CALML6: variants seen among roughly 807,000 people sequenced by gnomAD.
CALML6 encodes calmodulin like 6.
Under a neutral mutation model 25.0 loss-of-function variants are expected in CALML6, and 27 were observed. The ratio of observed to expected loss-of-function variants is 1.08; its 90% CI spans 0.80 to 1.49. The LOEUF (loss-of-function observed/expected upper bound fraction) is 1.49, where lower values mean the gene tolerates loss of function less well. CALML6 is among the 40% of genes most tolerant of loss of function. The probability of loss-of-function intolerance (pLI) is 0.00; values close to 1 mark genes in which losing one functional copy is unlikely to be tolerated. For synonymous variants in CALML6, 97 were observed against 87.2 expected (o/e 1.11, Z -0.63); for missense variants, 239 against 232.7 (o/e 1.03, Z -0.18).
Position 1,916,616 on chromosome 1 carries a change from G to A in CALML6, c.253+1G>A, listed in dbSNP as rs762396016. 24 of 1,603,986 alleles carry A rather than the reference G, an allele frequency of 1.5e-5. No individual in the cohort carries two copies. The highest frequency in any genetic ancestry group is 6.7e-5 in the African/African-American group (5 of 74,630). ...ATGGCCAAGGATGTGGACAGAGACAGTGAGCTCATGGCTGGAGTGGGGTGG... is the reference window on the plus strand; with the variant it reads ...ATGGCCAAGGATGTGGACAGAGACAATGAGCTCATGGCTGGAGTGGGGTGG... On this transcript the variant is annotated splice_donor_variant, in intron 3 of 5. Coordinates refer to ENST00000307786, the MANE Select transcript of CALML6 (RefSeq NM_138705.4). LOFTEE classifies it high-confidence loss of function.
Position 1,915,438 on chromosome 1 carries a change from G to A in CALML6, c.27+131G>A, listed in dbSNP as rs533840083. On this transcript the variant is annotated intron_variant, in intron 1 of 5. Coordinates refer to ENST00000307786, the MANE Select transcript of CALML6 (RefSeq NM_138705.4). ...GGGGAACAGCGTGTGTGAGGGTCCC[G>A]CCATGTCTCAGCCCTTTCCTGGCCC... The A allele has an allele frequency of 7.9e-5, 117 of 1,474,064 alleles. 1 individual carries two copies. The African/African-American group carries it at 1.2e-3, about 15-fold the overall frequency. 91.3% of individuals were successfully genotyped at this position (1,474,064 alleles called of 1,614,324 possible).
At chr1:1,915,528 A>G in intron 1 of CALML6, 157 bp from the exon 2 acceptor site, 3 of 1,216,090 alleles carry the variant, frequency 2.5e-6, no homozygotes, top group South Asian at 2.9e-5. Flanking sequence ...CGGGCCGGGA[A>G]GGGGCCCTGT....
At position 1,916,588 on chromosome 1, in the gene CALML6, T is replaced by A; in HGVS notation, c.226T>A (p.Ser76Thr). The change falls in exon 3 of 6, where the codon TCA becomes ACA. Residue 76 changes from serine (S) to threonine (T), a missense_variant. By Grantham distance (58) the Ser-to-Thr change is moderately conservative (BLOSUM62 1). Transcript: ENST00000307786. ...GINPTKSELA[S>T]MAKDVDRDNK... is the part of the protein sequence containing the mutation. ...CAACCCCACCAAGAGTGAGCTGGCC[T>A]CAATGGCCAAGGATGTGGACAGAGA... The A allele has an allele frequency of 6.2e-7, 1 of 1,608,824 alleles. No homozygotes were observed. Among genetic ancestry groups the A allele is most frequent in the Non-Finnish European group, 8.5e-7 (1 of 1,177,876 alleles).
chr1:1,915,537 G>T, intron 1 of CALML6, 148 bp from the exon 2 acceptor site: 1 of 1,212,240 alleles, frequency 8.2e-7, no homozygotes, highest in Non-Finnish European at 1.1e-6. Context: ...AAGGGGCCCT[G>T]TGGATAAGGC....
In CALML6 at chr1:1,916,967, C is replaced by T. The variant is rs1227499074; in HGVS notation, c.399-7C>T. ...CCGATGGAGTGGCTCAGCGCCAGGC[C>T]CCGTAGGTACGTGCTAATGAACGCA... is the stretch of plus-strand genomic sequence containing the variant. On this transcript the variant is annotated splice_region_variant and splice_polypyrimidine_tract_variant and intron_variant, in intron 4 of 5. Transcript: ENST00000307786. The T allele has an allele frequency of 2.5e-6, 4 of 1,610,924 alleles. No individual in the cohort carries two copies. Among genetic ancestry groups the T allele is most frequent in the South Asian group, 1.1e-5 (1 of 90,952 alleles).
chr1:1,917,226 G>A lies in CALML6; in HGVS notation c.*33G>A, dbSNP rs559397923. 33 of 1,561,084 alleles carry A rather than the reference G, an allele frequency of 2.1e-5. No individual in the cohort carries two copies. The highest frequency in any genetic ancestry group is 1.2e-4 in the South Asian group (10 of 85,164). Reference sequence around the variant, plus strand: ...TGCCGCAGCCGGGGGAGGCCTGCCCGGGAAGGCTGCTGCCCCTGCCCCCTG... The same window carrying A: ...TGCCGCAGCCGGGGGAGGCCTGCCCAGGAAGGCTGCTGCCCCTGCCCCCTG... On this transcript the variant is annotated 3_prime_UTR_variant, in exon 6 of 6. Coordinates refer to ENST00000307786, the MANE Select transcript of CALML6 (RefSeq NM_138705.4).
At chr1:1,916,700 C>T in intron 3 of CALML6, 52 bp from the exon 4 acceptor site, 2 of 1,612,526 alleles carry the variant, frequency 1.2e-6, no homozygotes, top group African/African-American at 1.3e-5. Flanking sequence ...GAGGCAAAGC[C>T]CATGGGGAGT....
intron 2 of CALML6, 186 bp from the exon 3 acceptor site, chr1:1,916,255 C>A: frequency 1.8e-6 from 1 of 546,402 alleles, no homozygotes. Context: ...GCCCTGCTGG[C>A]CCTGCAAACC....
intron 2 of CALML6, chr1:1,916,024 T>C (rs996743213): frequency 5.9e-5 from 31 of 522,540 alleles, no homozygotes; most frequent in Admixed American, 3.2e-5. Context: ...CCCAGGGTTC[T>C]GCTTCCTGGG....
Position 1,916,534 on chromosome 1 carries a change from C to G in CALML6, c.172C>G (p.Leu58Val). Residue 58 changes from leucine to valine, a missense_variant, in exon 3 of 6, where the codon CTG becomes GTG. Physicochemically the swap from Leu to Val is conservative, Grantham distance 32 (BLOSUM62 1). Coordinates refer to ENST00000307786, the MANE Select transcript of CALML6 (RefSeq NM_138705.4). ...EGNGEVKTGE[L>V]EWLMSLLGIN... ...CAACGGGGAGGTGAAGACGGGGGAGCTGGAGTGGCTCATGAGCCTGCTGGG... is the reference window on the plus strand; with the variant it reads ...CAACGGGGAGGTGAAGACGGGGGAGGTGGAGTGGCTCATGAGCCTGCTGGG... 1 of 1,611,282 alleles carries G rather than the reference C, an allele frequency of 6.2e-7. No homozygotes were observed. The highest frequency in any genetic ancestry group is 1.7e-4 in the Middle Eastern group (1 of 6,058).
rs566097950 is a variant in CALML6, at chr1:1,916,935, G to A, written c.398+39G>A. On this transcript the variant is annotated intron_variant, in intron 4 of 5. Coordinates refer to ENST00000307786, the MANE Select transcript of CALML6 (RefSeq NM_138705.4). ...TGGGGGCGGGTGGTGGGCGGGCACG[G>A]GCAGGGCCGATGGAGTGGCTCAGCG... 7.4e-6 allele frequency: 12 copies of A among 1,611,382 alleles called. No homozygotes were observed. In the East Asian group the frequency reaches 2.7e-4, roughly 36 times the overall value.
At chr1:1,915,759 T>C (rs1651087339) in intron 2 of CALML6, 24 bp downstream of exon 2, 1 of 1,611,428 alleles carries the variant, frequency 6.2e-7, no homozygotes, top group Non-Finnish European at 8.5e-7. Flanking sequence ...CTGTGCCCGA[T>C]GGAGTCTCTG....
Position 1,915,277 on chromosome 1 carries a change from C to T in CALML6, c.-4C>T, listed in dbSNP as rs1055196510. 5 of 1,558,186 alleles carry T rather than the reference C, an allele frequency of 3.2e-6. No homozygotes were observed. The South Asian group carries it at 4.7e-5, about 15-fold the overall frequency. On this transcript the variant is annotated 5_prime_UTR_variant, in exon 1 of 6. Transcript: ENST00000307786. Reference sequence around the variant, plus strand: ...TCTGAGCCACTGAGCACCAGCTGGCCAGGATGGGTCTTCAACAAGAAATCT... The same window carrying T: ...TCTGAGCCACTGAGCACCAGCTGGCTAGGATGGGTCTTCAACAAGAAATCT...
intron 1 of CALML6, 23 bp from the exon 2 acceptor site, chr1:1,915,662 C>CT: frequency 6.2e-7 from 1 of 1,612,586 alleles, no homozygotes. Flanking sequence ...GCTGCCACCA[C>CT]TGCCCCAGCA....
rs373215762 is a variant in CALML6, at chr1:1,917,165, C to A, written c.518C>A (p.Thr173Lys). 1 of 1,607,124 alleles carries A rather than the reference C, an allele frequency of 6.2e-7. No individual in the cohort carries two copies. The highest frequency in any genetic ancestry group is 1.1e-5 in the South Asian group (1 of 90,030). ...TTCCCAGAGTTTGTGGCCATGATGA[C>A]GGGGGAGTCCTTCAAGCTGATCCAG... ...IDYEEFVAMM[T>K]GESFKLIQ Residue 173 changes from threonine to lysine, a missense_variant, in exon 6 of 6, where the codon ACG becomes AAG. Transcript: ENST00000307786.
rs774393325 is a variant in CALML6, at chr1:1,915,702, C to T, written c.45C>T (p.His15=). The T allele has an allele frequency of 1.9e-6, 3 of 1,613,468 alleles. No homozygotes were observed. In the South Asian group the frequency reaches 3.3e-5, roughly 18 times the overall value. The change falls in exon 2 of 6, where the codon CAC becomes CAT. Residue 15 remains histidine (H), a synonymous_variant. Coordinates refer to ENST00000307786, the MANE Select transcript of CALML6 (RefSeq NM_138705.4). The stretch of plus-strand genomic sequence containing the variant: ...GCCCACAGCAGCCCTGGTGTCACCA[C>T]CCTGCAGAATCCTGTCAGACAACCA... The part of the protein sequence containing the change: ...QEISLQPWCH[H]PAESCQTTTD...
In CALML6 at chr1:1,917,176, T is replaced by C. The variant is rs757481889; in HGVS notation, c.529T>C (p.Phe177Leu). Residue 177 changes from phenylalanine to leucine, a missense_variant, in exon 6 of 6, where the codon TTC becomes CTC. Physicochemically the swap from Phe to Leu is conservative, Grantham distance 22 (BLOSUM62 0). Around this residue, in one of 2 missense-constraint regions of CALML6, gnomAD observed 231 missense variants for 210.9 expected, o/e 1.10. Coordinates refer to ENST00000307786, the MANE Select transcript of CALML6 (RefSeq NM_138705.4). Reference sequence around the variant, plus strand: ...TGTGGCCATGATGACGGGGGAGTCCTTCAAGCTGATCCAGTAGGTGCAGCT... The same window carrying C: ...TGTGGCCATGATGACGGGGGAGTCCCTCAAGCTGATCCAGTAGGTGCAGCT... ...EFVAMMTGES[F>L]KLIQ 2 of 1,605,242 alleles carry C rather than the reference T, an allele frequency of 1.2e-6. No individual in the cohort carries two copies. Among genetic ancestry groups the C allele is most frequent in the Non-Finnish European group, 1.7e-6 (2 of 1,177,254 alleles).
Position 1,916,540 on chromosome 1 carries a change from T to C in CALML6, c.178T>C (p.Trp60Arg), listed in dbSNP as rs28581776. 0.076 allele frequency: 122,290 copies of C among 1,609,704 alleles called. 10,545 individuals carry two copies. Among genetic ancestry groups the C allele is most frequent in the African/African-American group, 0.35 (25,869 of 74,614 alleles). ...NGEVKTGELE[W>R]LMSLLGINPT... ...GGAGGTGAAGACGGGGGAGCTGGAG[T>C]GGCTCATGAGCCTGCTGGGTATCAA... The change falls in exon 3 of 6, where the codon TGG becomes CGG. Residue 60 changes from tryptophan (W) to arginine (R), a missense_variant. Transcript: ENST00000307786.
At chr1:1,916,321 T>C (rs764111691) in intron 2 of CALML6, 120 bp from the exon 3 acceptor site, 7 of 957,690 alleles carry the variant, frequency 7.3e-6, no homozygotes, top group Non-Finnish European at 1.1e-5. Context: ...GCCTCCTCTC[T>C]TACCACTCAC....
Sources: gnomAD v4.1 joint callset for allele counts on GRCh38, gnomAD v4.1.1 for gene constraint, gnomAD v4.1.1 regional missense constraint, MANE v1.5 for transcripts, NCBI Gene and HGNC (gene_info 2026-07-23, HGNC 2026-07-21) for gene names.